The following S100Z variants were observed in gnomAD, a reference collection of about 807,000 sequenced individuals.
S100Z encodes protein S100-Z.
Under a neutral mutation model 8.5 loss-of-function variants are expected in S100Z, and 11 were observed. That is an observed-to-expected ratio of 1.30 (90% confidence interval 0.82 to 2.15). The LOEUF (loss-of-function observed/expected upper bound fraction) is 2.15, where lower values mean the gene tolerates loss of function less well. Among genes scored for constraint, S100Z ranks in the 30% most tolerant of loss-of-function variants. The pLI is 0.00. For missense variants in S100Z, 126 were observed against 117.9 expected (o/e 1.07, Z -0.32); for synonymous variants, 34 against 43.8 (o/e 0.78, Z 0.89).
At chr5:76,885,262 G>C (rs1743562389) in intron 4 of S100Z, among the ~76,000 whole-genome samples, 1 of 152,190 alleles carries the variant, frequency 6.6e-6, no homozygotes, top group African/African-American at 2.4e-5. Flanking sequence ...TAAAGAGAAG[G>C]GTAGAGACAT....
intron 4 of S100Z, among the ~76,000 whole-genome samples, chr5:76,908,482 G>C (rs537455692): frequency 1.6e-3 from 249 of 152,236 alleles, no homozygotes; most frequent in Non-Finnish European, 3.1e-3. Flanking sequence ...TGCTTTTCTA[G>C]TTTCTCCTAT....
intron 1 of S100Z, among the ~76,000 whole-genome samples, chr5:76,857,241 G>A (rs189888185): frequency 4.6e-5 from 7 of 152,054 alleles, no homozygotes; most frequent in Non-Finnish European, 7.4e-5. Context: ...GCAGTGAGCC[G>A]AGATTGCGCC....
the S100Z span, among the ~76,000 whole-genome samples, chr5:76,942,323 T>C: frequency 4.0e-5 from 6 of 151,526 alleles, no homozygotes; most frequent in Non-Finnish European, 7.4e-5. Context: ...TGTTGGCCAG[T>C]CTGGTCTTGA....
At chr5:76,896,178 C>T (rs1744031453) in intron 4 of S100Z, among the ~76,000 whole-genome samples, 1 of 152,168 alleles carries the variant, frequency 6.6e-6, no homozygotes, top group African/African-American at 2.4e-5. Context: ...CCGTCCTCCC[C>T]AACCCCCTGC....
At chr5:76,887,786 T>C (rs1332642990) in intron 4 of S100Z, among the ~76,000 whole-genome samples, 1 of 152,268 alleles carries the variant, frequency 6.6e-6, no homozygotes, top group South Asian at 2.1e-4. Flanking sequence ...TTGCTGACTT[T>C]CTAGTGCTAA....
rs1742770278 is a variant in S100Z, at chr5:76,866,988, G to A, written c.-175-3178G>A. ...TTTATAATTCTAATTTTAAATGGCTGCATGATTTTATCTTTTGTCAGACAA... is the reference window on the plus strand; with the variant it reads ...TTTATAATTCTAATTTTAAATGGCTACATGATTTTATCTTTTGTCAGACAA... On this transcript the variant is annotated intron_variant, in intron 1 of 4. Transcript: ENST00000317593. Among the ~76,000 whole-genome samples, 6 of 152,152 alleles carry A rather than the reference G, an allele frequency of 3.9e-5. No individual in the cohort carries two copies. The South Asian group carries it at 1.2e-3, about 32-fold the overall frequency.
At chr5:76,898,989 G>C (rs1186683927) in intron 4 of S100Z, among the ~76,000 whole-genome samples, 1 of 145,502 alleles carries the variant, frequency 6.9e-6, no homozygotes, top group East Asian at 2.0e-4. Context: ...AGGCTGGAGT[G>C]CAATGACACG....
At chr5:76,888,351 CT>C (rs1436264845) in intron 4 of S100Z, among the ~76,000 whole-genome samples, 3 of 129,206 alleles carry the variant, frequency 2.3e-5, no homozygotes, top group Non-Finnish European at 5.0e-5. Context: ...TTTTTTTTTC[CT>C]GGGAAAGTGC....
intron 1 of S100Z, among the ~76,000 whole-genome samples, chr5:76,866,728 G>A (rs990294430): frequency 6.6e-5 from 10 of 152,210 alleles, no homozygotes; most frequent in African/African-American, 2.4e-4. Flanking sequence ...TGGCCTAGGT[G>A]TGTAGTGGGC....
At chr5:76,869,269 TG>T (rs1278573006) in intron 1 of S100Z, among the ~76,000 whole-genome samples, 1 of 151,358 alleles carries the variant, frequency 6.6e-6, no homozygotes, top group Non-Finnish European at 1.5e-5. Context: ...ATGTTGGGAA[TG>T]TATGGTAAGT....
At chr5:76,868,578 C>A (rs2150632141) in intron 1 of S100Z, among the ~76,000 whole-genome samples, 1 of 149,966 alleles carries the variant, frequency 6.7e-6, no homozygotes, top group East Asian at 2.0e-4. Context: ...ATAACTTCAA[C>A]AACTTAATTT....
chr5:76,851,664 T>G (rs1253415562), intron 1 of S100Z, among the ~76,000 whole-genome samples: 1 of 152,098 alleles, frequency 6.6e-6, no homozygotes, highest in Non-Finnish European at 1.5e-5. Context: ...AATGCCAAAA[T>G]CAGTTTGCTG....
chr5:76,873,607 T>G (rs746775822), intron 2 of S100Z, among the ~76,000 whole-genome samples: 1 of 152,110 alleles, frequency 6.6e-6, no homozygotes, highest in Non-Finnish European at 1.5e-5. Context: ...CTGAATATGT[T>G]TGAAAATTTT....
intron 1 of S100Z, among the ~76,000 whole-genome samples, chr5:76,859,784 A>AAAAAAAAAAAAG (rs937439612): frequency 1.3e-5 from 2 of 150,220 alleles, no homozygotes; most frequent in Non-Finnish European, 3.0e-5. Flanking sequence ...AAAAAAAAAA[A>AAAAAAAAAAAAG]AGAAATAAGA....
chr5:76,913,390 C>T (rs1236602771), intron 4 of S100Z, among the ~76,000 whole-genome samples: 1 of 152,222 alleles, frequency 6.6e-6, no homozygotes, highest in Non-Finnish European at 1.5e-5. Context: ...CTTGTAAAAT[C>T]AGAGTTAGGA....
chr5:76,907,595 G>A (rs147550626), intron 4 of S100Z, among the ~76,000 whole-genome samples: 2,179 of 152,232 alleles, frequency 0.014, 59 homozygotes, highest in East Asian at 0.11. Flanking sequence ...GAGCCACTGC[G>A]CCCAGCTGCT....
At chr5:76,901,230 A>G (rs1468593471) in intron 4 of S100Z, among the ~76,000 whole-genome samples, 3 of 152,166 alleles carry the variant, frequency 2.0e-5, no homozygotes, top group Non-Finnish European at 2.9e-5. Context: ...CACTCCCTGA[A>G]TACTGCCTAT....
Position 76,875,340 on chromosome 5 carries a change from T to G in S100Z, c.-20T>G. ...CGGGTTTGGTGGCCTGCTTCTGGAGTGGTCAGTTCTGCTGCCGACATGCCC... is the reference window on the plus strand; with the variant it reads ...CGGGTTTGGTGGCCTGCTTCTGGAGGGGTCAGTTCTGCTGCCGACATGCCC... On this transcript the variant is annotated 5_prime_UTR_variant, in exon 3 of 5. Transcript: ENST00000317593. 1 of 1,602,344 alleles carries G rather than the reference T, an allele frequency of 6.2e-7. No individual in the cohort carries two copies. Among genetic ancestry groups the G allele is most frequent in the Non-Finnish European group, 8.5e-7 (1 of 1,174,602 alleles).
chr5:76,886,179 C>G (rs1743622502), intron 4 of S100Z, among the ~76,000 whole-genome samples: 1 of 152,184 alleles, frequency 6.6e-6, no homozygotes, highest in Non-Finnish European at 1.5e-5. Flanking sequence ...CCCGTGAGGT[C>G]AGACACCTCT....
Sources: allele counts gnomAD v4.1 joint callset (sites outside exome capture counted in the v4.1 genomes callset), GRCh38; gene constraint gnomAD v4.1.1; transcripts MANE v1.5; gene names NCBI Gene and HGNC (gene_info 2026-07-23, HGNC 2026-07-21).